BMPR1B: variants seen among roughly 807,000 people sequenced by gnomAD.
BMPR1B encodes the protein bone morphogenetic protein receptor type-1B.
BMPR1B carries 12 observed loss-of-function variants against 59.1 expected under a neutral mutation model. The observed-to-expected ratio is 0.20, with a 90% CI of 0.13 to 0.33. BMPR1B has a LOEUF of 0.33. Among genes scored for constraint, BMPR1B ranks in the 10% least tolerant of loss-of-function variants. The probability of loss-of-function intolerance (pLI) is 1.00; values close to 1 mark genes in which losing one functional copy is unlikely to be tolerated. For synonymous variants in BMPR1B, 237 were observed against 207.3 expected (o/e 1.14, Z -1.23); for missense variants, 550 against 610.9 (o/e 0.90, Z 1.05).
At chr4:94,842,685 A>T (rs1388496948) in intron 1 of BMPR1B, among the ~76,000 whole-genome samples, 1 of 152,170 alleles carries the variant, frequency 6.6e-6, no homozygotes, top group East Asian at 1.9e-4. Context: ...CAAGGCCATT[A>T]CATTTAGTCT....
chr4:95,126,842 C>T (rs1276086357), intron 8 of BMPR1B, among the ~76,000 whole-genome samples: 4 of 152,146 alleles, frequency 2.6e-5, no homozygotes, highest in African/African-American at 9.7e-5. Flanking sequence ...GTGAATACCT[C>T]ATCTTAACAT....
At chr4:94,846,052 C>A (rs575276222) in intron 1 of BMPR1B, among the ~76,000 whole-genome samples, 1 of 152,312 alleles carries the variant, frequency 6.6e-6, no homozygotes, top group Admixed American at 6.5e-5. Context: ...CATTACCTGA[C>A]TTCAAGTTAT....
chr4:94,819,845 A>G (rs1323317429), intron 1 of BMPR1B, among the ~76,000 whole-genome samples: 2 of 152,204 alleles, frequency 1.3e-5, no homozygotes, highest in African/African-American at 4.8e-5. Context: ...TTCGTAGTGG[A>G]ACAAAATTCA....
At chr4:94,834,455 C>G (rs920233586) in intron 1 of BMPR1B, among the ~76,000 whole-genome samples, 2 of 151,730 alleles carry the variant, frequency 1.3e-5, no homozygotes, top group Admixed American at 6.6e-5. Flanking sequence ...ACTTGAAAAC[C>G]CTTCTTTTTC....
intron 2 of BMPR1B, among the ~76,000 whole-genome samples, chr4:94,926,256 T>G (rs1728887898): frequency 6.6e-6 from 1 of 151,902 alleles, no homozygotes. Context: ...GGATATTTGG[T>G]GCTTTTCGTT....
At chr4:95,048,974 T>A (rs1233748567) in intron 3 of BMPR1B, among the ~76,000 whole-genome samples, 1 of 152,204 alleles carries the variant, frequency 6.6e-6, no homozygotes, top group African/African-American at 2.4e-5. Context: ...CTTGATTTTT[T>A]AAAATATTGC....
intron 6 of BMPR1B, among the ~76,000 whole-genome samples, chr4:95,116,576 A>G (rs917936854): frequency 1.3e-5 from 2 of 151,952 alleles, no homozygotes; most frequent in Admixed American, 6.6e-5. Context: ...CCAACAAAAC[A>G]TAATGGAATT....
intron 2 of BMPR1B, among the ~76,000 whole-genome samples, chr4:94,911,574 C>A (rs1279792251): frequency 6.6e-6 from 1 of 152,054 alleles, no homozygotes; most frequent in Non-Finnish European, 1.5e-5. Context: ...TCTGGAAATT[C>A]AGAAAATTTT....
At chr4:94,970,302 T>TCGCTCTCTC (rs70946573) in intron 2 of BMPR1B, among the ~76,000 whole-genome samples, 2 of 92,766 alleles carry the variant, frequency 2.2e-5, no homozygotes, top group Non-Finnish European at 4.3e-5. Context: ...TTCTCTTCTC[T>TCGCTCTCTC]TCTTTCTCTC....
At chr4:94,984,984 G>A (rs537089016) in intron 2 of BMPR1B, among the ~76,000 whole-genome samples, 33 of 152,238 alleles carry the variant, frequency 2.2e-4, no homozygotes, top group Admixed American at 1.6e-3. Flanking sequence ...TAGAAATAAA[G>A]GTTTACAGAA....
chr4:94,950,654 C>A (rs974284199), intron 2 of BMPR1B, among the ~76,000 whole-genome samples: 1 of 152,090 alleles, frequency 6.6e-6, no homozygotes, highest in Non-Finnish European at 1.5e-5. Context: ...GTCTATATAT[C>A]TGTTTTGGCA....
chr4:94,827,417 TTA>T (rs1235056211), intron 1 of BMPR1B, among the ~76,000 whole-genome samples: 8 of 152,336 alleles, frequency 5.3e-5, no homozygotes, highest in African/African-American at 1.9e-4. Context: ...TATATAAACT[TTA>T]TATATTTCTC....
intron 1 of BMPR1B, among the ~76,000 whole-genome samples, chr4:94,798,761 G>T (rs1278641466): frequency 6.6e-6 from 1 of 152,052 alleles, no homozygotes; most frequent in Admixed American, 6.5e-5. Flanking sequence ...ATTGAGAGTT[G>T]CAGAATGTTA....
At chr4:95,096,588 A>G (rs1730388532) in intron 3 of BMPR1B, among the ~76,000 whole-genome samples, 1 of 150,680 alleles carries the variant, frequency 6.6e-6, no homozygotes, top group Admixed American at 6.7e-5. Context: ...TTGCACGCCA[A>G]AAATCCAACG....
chr4:94,768,548 AAC>A (rs1560806839), intron 1 of BMPR1B, among the ~76,000 whole-genome samples: 2 of 152,252 alleles, frequency 1.3e-5, no homozygotes, highest in Middle Eastern at 3.4e-3. Flanking sequence ...TTAATCAAAA[AAC>A]ACTATTTTAT....
At chr4:94,999,087 A>G (rs1470409) in intron 3 of BMPR1B, among the ~76,000 whole-genome samples, 109,223 of 152,032 alleles carry the variant, frequency 0.72, 40,526 homozygotes, top group East Asian at 0.86. Context: ...GGCCTCCTGT[A>G]TAAATCTCTG....
intron 2 of BMPR1B, among the ~76,000 whole-genome samples, chr4:94,918,785 A>G (rs763788398): frequency 3.7e-4 from 57 of 152,088 alleles, no homozygotes; most frequent in Non-Finnish European, 5.9e-4. Context: ...TAGTGTAACT[A>G]TTTCATCTTT....
chr4:95,130,512 G>A (rs1379237455), intron 9 of BMPR1B, among the ~76,000 whole-genome samples: 5 of 151,802 alleles, frequency 3.3e-5, no homozygotes, highest in South Asian at 4.2e-4. Flanking sequence ...TAATCAGTGG[G>A]GTATATTCCT....
intron 6 of BMPR1B, among the ~76,000 whole-genome samples, chr4:95,120,600 A>G (rs921553466): frequency 4.8e-5 from 4 of 82,842 alleles, no homozygotes; most frequent in East Asian, 3.2e-4. Context: ...AAATCAGTCA[A>G]TAGCCTGCCT....
Sources: gnomAD v4.1 joint callset for allele counts (sites outside exome capture counted in the v4.1 genomes callset) on GRCh38, gnomAD v4.1.1 for gene constraint, MANE v1.5 for transcripts, NCBI Gene and HGNC (gene_info 2026-07-23, HGNC 2026-07-21) for gene names.